Variants in RABGAP1 observed in about 807,000 individuals in gnomAD.
RABGAP1 encodes rab GTPase-activating protein 1.
A neutral mutation model predicts 137.6 loss-of-function variants in RABGAP1; 23 were observed. The observed-to-expected ratio is 0.17, with a 90% CI of 0.12 to 0.24. RABGAP1 has a LOEUF of 0.24. Among genes scored for constraint, RABGAP1 ranks in the 10% least tolerant of loss-of-function variants. RABGAP1 has a pLI of 1.00. For missense variants in RABGAP1, 906 were observed against 1,275.8 expected (o/e 0.71, Z 4.42); for synonymous variants, 451 against 450.7 (o/e 1.00, Z -0.01).
intron 21 of RABGAP1, 93 bp from the exon 22 acceptor site, chr9:123,097,648 C>A: frequency 9.6e-7 from 1 of 1,043,054 alleles, no homozygotes; most frequent in Non-Finnish European, 1.4e-6. Context: ...ATCAGAGTTT[C>A]CCCATCATCT....
intron 2 of RABGAP1, among the ~76,000 whole-genome samples, chr9:122,962,511 A>G (rs1440566895): frequency 6.6e-6 from 1 of 151,734 alleles, no homozygotes; most frequent in Non-Finnish European, 1.5e-5. Flanking sequence ...ACAGAGTGAG[A>G]CTCTCTCTTA....
chr9:123,021,770 A>C (rs2031654430), intron 13 of RABGAP1, among the ~76,000 whole-genome samples: 1 of 152,198 alleles, frequency 6.6e-6, no homozygotes. Flanking sequence ...TTAAGTTGAT[A>C]TAATTGTTTA....
In RABGAP1 at chr9:123,089,773, T is replaced by C. The variant is rs569681229; in HGVS notation, c.2440T>C (p.Leu814=). 7 of 1,613,048 alleles carry C rather than the reference T, an allele frequency of 4.3e-6. No homozygotes were observed. The highest frequency in any genetic ancestry group is 4.5e-5 in the East Asian group (2 of 44,798). ...ACNMKISQKK[L]KKYEKEYHTM... ...TATCCTACAGATTAGTCAGAAGAAG[T>C]TGAAAAAATACGAGAAAGAATATCA... Residue 814 remains leucine, a synonymous_variant, in exon 20 of 26, where the codon TTG becomes CTG. Transcript: ENST00000373647.
intron 13 of RABGAP1, among the ~76,000 whole-genome samples, chr9:123,064,798 C>G (rs2034113705): frequency 6.6e-6 from 1 of 152,154 alleles, no homozygotes; most frequent in Non-Finnish European, 1.5e-5. Context: ...GGATATTTTC[C>G]CATAGCCTGT....
At chr9:122,955,670 T>C (rs1356731563) in intron 1 of RABGAP1, among the ~76,000 whole-genome samples, 1 of 152,182 alleles carries the variant, frequency 6.6e-6, no homozygotes, top group African/African-American at 2.4e-5. Context: ...ATCAACTTGA[T>C]TTTAGATTTC....
At chr9:123,049,075 TTAAA>T (rs1344472553) in intron 13 of RABGAP1, among the ~76,000 whole-genome samples, 1 of 152,214 alleles carries the variant, frequency 6.6e-6, no homozygotes, top group Non-Finnish European at 1.5e-5. Context: ...AAATATTTCA[TTAAA>T]TAAAGAGCCA....
At chr9:122,977,567 G>T (rs763052769) in intron 2 of RABGAP1, among the ~76,000 whole-genome samples, 1 of 152,162 alleles carries the variant, frequency 6.6e-6, no homozygotes, top group African/African-American at 2.4e-5. Flanking sequence ...TCAGCTGGGC[G>T]TGATGGCGCA....
At chr9:123,064,663 A>G (rs760677195) in intron 13 of RABGAP1, among the ~76,000 whole-genome samples, 4 of 152,222 alleles carry the variant, frequency 2.6e-5, no homozygotes, top group Non-Finnish European at 5.9e-5. Context: ...ACAAGGGGAG[A>G]ATATTAGAAA....
chr9:122,986,624 G>A (rs16912440), intron 4 of RABGAP1, among the ~76,000 whole-genome samples: 7,210 of 152,142 alleles, frequency 0.047, 581 homozygotes, highest in African/African-American at 0.16. Flanking sequence ...TACTCTTCCC[G>A]ATCATGTGTA....
intron 2 of RABGAP1, among the ~76,000 whole-genome samples, chr9:122,974,917 T>A (rs189017494): frequency 6.6e-5 from 10 of 152,352 alleles, no homozygotes; most frequent in African/African-American, 2.4e-4. Context: ...GATCACAGAA[T>A]GAGTGTGTAA....
chr9:123,084,538 CT>C (rs1039239722), intron 19 of RABGAP1, among the ~76,000 whole-genome samples: 1 of 152,206 alleles, frequency 6.6e-6, no homozygotes, highest in East Asian at 1.9e-4. Context: ...TTTGGCAACA[CT>C]TTTTTAAGCC....
At chr9:123,081,185 C>A (rs770546227) in intron 19 of RABGAP1, among the ~76,000 whole-genome samples, 1 of 152,142 alleles carries the variant, frequency 6.6e-6, no homozygotes, top group Non-Finnish European at 1.5e-5. Context: ...TACATAATAC[C>A]TATAATGTAC....
chr9:123,042,319 CTT>C (rs1171707654), intron 13 of RABGAP1, among the ~76,000 whole-genome samples: 2 of 152,296 alleles, frequency 1.3e-5, no homozygotes, highest in Admixed American at 6.5e-5. Flanking sequence ...TATTGCTTCA[CTT>C]TTAATATTAA....
intron 13 of RABGAP1, among the ~76,000 whole-genome samples, chr9:123,058,600 G>A (rs1262061291): frequency 6.6e-6 from 1 of 152,030 alleles, no homozygotes; most frequent in African/African-American, 2.4e-5. Flanking sequence ...TTTAGGTTAT[G>A]TTTGGGAAAG....
intron 12 of RABGAP1, among the ~76,000 whole-genome samples, chr9:123,017,069 C>T (rs925441132): frequency 6.6e-6 from 1 of 152,154 alleles, no homozygotes; most frequent in African/African-American, 2.4e-5. Context: ...TATTTCTTTA[C>T]ATCAGGAGAC....
At chr9:123,073,820 T>A in intron 16 of RABGAP1, 143 bp downstream of exon 16, 1 of 1,123,636 alleles carries the variant, frequency 8.9e-7, no homozygotes, top group Non-Finnish European at 1.3e-6. Context: ...CCTTTATCAC[T>A]ATGTGATTAT....
At chr9:122,958,751 A>G (rs1834682662) in intron 2 of RABGAP1, among the ~76,000 whole-genome samples, 1 of 152,134 alleles carries the variant, frequency 6.6e-6, no homozygotes, top group South Asian at 2.1e-4. Flanking sequence ...GCTCACACCT[A>G]TAATCCCAAC....
At position 123,025,543 on chromosome 9, in the gene RABGAP1, C is replaced by CTTTTTTTTTTTTTT. The variant is rs577474947; in HGVS notation, c.1794+5088_1794+5101dup. 2.1e-3 allele frequency among the ~76,000 whole-genome samples: 157 copies of CTTTTTTTTTTTTTT among 74,986 alleles called. 14 individuals carry two copies. Among genetic ancestry groups the CTTTTTTTTTTTTTT allele is most frequent in the African/African-American group, 5.4e-3 (120 of 22,412 alleles). 49.2% of individuals were successfully genotyped at this position (74,986 alleles called of 152,430 possible). ...TTTTATTTGTTCAGATCTTTCTTTT[C>CTTTTTTTTTTTTTT]TTTTTTTTTTTTTTTTTGCCTTCAA... On this transcript the variant is annotated intron_variant, in intron 13 of 25. Coordinates refer to ENST00000373647, the MANE Select transcript of RABGAP1 (RefSeq NM_012197.4).
At chr9:123,034,940 T>C in intron 13 of RABGAP1, 4 of 1,611,916 alleles carry the variant, frequency 2.5e-6, no homozygotes, top group Non-Finnish European at 3.4e-6. Context: ...TGTATCAGCA[T>C]TGATAGATAC....
Sources: allele counts gnomAD v4.1 joint callset (sites outside exome capture counted in the v4.1 genomes callset), GRCh38; gene constraint gnomAD v4.1.1; transcripts MANE v1.5; gene names NCBI Gene and HGNC (gene_info 2026-07-23, HGNC 2026-07-21).